SPIRE2: variants seen among roughly 807,000 people sequenced by gnomAD.
SPIRE2 encodes the protein spire type actin nucleation factor 2.
In SPIRE2, 76 loss-of-function variants were observed where a neutral mutation model predicts 80.7. That is an observed-to-expected ratio of 0.94 (90% CI 0.78 to 1.14). The LOEUF (loss-of-function observed/expected upper bound fraction) is 1.14, where lower values mean the gene tolerates loss of function less well. SPIRE2 is among the 50% of genes most tolerant of loss of function. The pLI is 0.00. For missense variants in SPIRE2, 1,196 were observed against 1,015.3 expected (o/e 1.18, Z -2.42); for synonymous variants, 535 against 432.6 (o/e 1.24, Z -2.94).
At chr16:89,844,480 C>G (rs1217652251) in intron 1 of SPIRE2, among the ~76,000 whole-genome samples, 2 of 151,690 alleles carry the variant, frequency 1.3e-5, no homozygotes, top group South Asian at 2.1e-4. Context: ...ACTCTGTTGC[C>G]CAGGCTGGAG....
rs1015655677 is a variant in SPIRE2, at chr16:89,829,616, G to A, written c.244+822G>A. 3.9e-5 allele frequency among the ~76,000 whole-genome samples: 6 copies of A among 152,210 alleles called. No individual in the cohort carries two copies. In the East Asian group the frequency reaches 1.2e-3, roughly 29 times the overall value. On this transcript the variant is annotated intron_variant, in intron 1 of 14. Coordinates refer to ENST00000378247, the MANE Select transcript of SPIRE2 (RefSeq NM_032451.2). ...GGAGGACCAGGAAGGGCCAGGGCAAGGCCAGACAGAAGCAAGCTACAGAGC... is the reference window on the plus strand; with the variant it reads ...GGAGGACCAGGAAGGGCCAGGGCAAAGCCAGACAGAAGCAAGCTACAGAGC...
rs1324644885 is a variant in SPIRE2 at position 89,870,572 on chromosome 16, A to G, written c.*300A>G. 8 of 296,986 alleles carry G rather than the reference A, an allele frequency of 2.7e-5. No individual in the cohort carries two copies. Among genetic ancestry groups the G allele is most frequent in the African/African-American group, 1.7e-4 (8 of 47,034 alleles). The allele number at this position is 296,986 out of a possible 1,614,324, so 18.4% of individuals were successfully genotyped here. On this transcript the variant is annotated 3_prime_UTR_variant, in exon 15 of 15. Transcript: ENST00000378247. ...AGCAGAAGGTTCTAGATCCTGGCAC[A>G]GACTGCATCCCATGTTCCCATGCTC... is the stretch of plus-strand genomic sequence containing the variant.
rs978020016 is a variant in SPIRE2 at position 89,828,928 on chromosome 16, G to C, written c.244+134G>C. The C allele has an allele frequency of 5.5e-5, 35 of 641,794 alleles. No homozygotes were observed. The highest frequency in any genetic ancestry group is 3.9e-4 in the African/African-American group (20 of 51,740). The allele number at this position is 641,794 out of a possible 1,614,324, so 39.8% of individuals were successfully genotyped here. A position where few individuals can be genotyped will look rare whatever the true frequency, so the allele number is the denominator to read the frequency against. On this transcript the variant is annotated intron_variant, in intron 1 of 14. Transcript: ENST00000378247. This position sits in a 1 kb window ranked among gnomAD's most constrained non-coding sequence, Gnocchi z 5.9. ...GAGATCCCCTTCTCTGCGGGACCCG[G>C]AGCTCCCTCCCTCCCACTCTCCGTC...
rs1212551818 is a variant in SPIRE2 at position 89,863,156 on chromosome 16, G to T, written c.1576-320G>T. ...AGGTTTGAGATGGATTCTGGCTGGTGTGGATCAGCCCATGGTGTGTTTGCA... is the reference window on the plus strand; with the variant it reads ...AGGTTTGAGATGGATTCTGGCTGGTTTGGATCAGCCCATGGTGTGTTTGCA... On this transcript the variant is annotated intron_variant, in intron 10 of 14. Coordinates refer to ENST00000378247, the MANE Select transcript of SPIRE2 (RefSeq NM_032451.2). This position sits in a 1 kb window ranked among gnomAD's most constrained non-coding sequence, Gnocchi z 4.3. The T allele has an allele frequency of 5.3e-6, 2 of 376,408 alleles. No homozygotes were observed. Among genetic ancestry groups the T allele is most frequent in the African/African-American group, 4.1e-5 (2 of 48,486 alleles). 23.3% of individuals were successfully genotyped at this position (376,408 alleles called of 1,614,324 possible). A position where few individuals can be genotyped will look rare whatever the true frequency, so the allele number is the denominator to read the frequency against.
At position 89,870,305 on chromosome 16, in the gene SPIRE2, C is replaced by A; in HGVS notation, c.*33C>A. ...AGGTGGCCAGGCCTCCAGGAGGCACCAGGCAGGCCCTGTATCAGGCTAGGA... is the reference window on the plus strand; with the variant it reads ...AGGTGGCCAGGCCTCCAGGAGGCACAAGGCAGGCCCTGTATCAGGCTAGGA... On this transcript the variant is annotated 3_prime_UTR_variant, in exon 15 of 15. Transcript: ENST00000378247. The A allele has an allele frequency of 6.9e-7, 1 of 1,447,600 alleles. No homozygotes were observed. Among genetic ancestry groups the A allele is most frequent in the Non-Finnish European group, 9.5e-7 (1 of 1,050,238 alleles). The allele number at this position is 1,447,600 out of a possible 1,614,324, so 89.7% of individuals were successfully genotyped here. A position where few individuals can be genotyped will look rare whatever the true frequency, so the allele number is the denominator to read the frequency against.
chr16:89,859,081 CT>C lies in SPIRE2; in HGVS notation c.1273-83del. 5.3e-6 allele frequency: 7 copies of C among 1,310,632 alleles called. No individual in the cohort carries two copies. In the South Asian group the frequency reaches 1.0e-4, roughly 19 times the overall value. The allele number at this position is 1,310,632 out of a possible 1,614,324, so 81.2% of individuals were successfully genotyped here. A position where few individuals can be genotyped will look rare whatever the true frequency, so the allele number is the denominator to read the frequency against. ...CATCGCAGCAGACCCTGCGGCACCC[CT>C]GGGTCCTCTGCTTCATTCCAGGCAT... is the stretch of plus-strand genomic sequence containing the variant. On this transcript the variant is annotated intron_variant, in intron 8 of 14. Transcript: ENST00000378247.
chr16:89,847,553 A>C (rs1323379217), intron 2 of SPIRE2, among the ~76,000 whole-genome samples: 1 of 152,202 alleles, frequency 6.6e-6, no homozygotes, highest in Non-Finnish European at 1.5e-5. Flanking sequence ...TGTTTGTCTC[A>C]GAGGCGCATA....
At chr16:89,832,373 C>G (rs867399932) in intron 1 of SPIRE2, among the ~76,000 whole-genome samples, 5 of 152,332 alleles carry the variant, frequency 3.3e-5, no homozygotes, top group African/African-American at 1.2e-4. Context: ...AACGTGTGCA[C>G]ATGAGTGTTT....
intron 10 of SPIRE2, chr16:89,862,752 C>T (rs1472982421): frequency 2.0e-5 from 3 of 152,408 alleles, no homozygotes; most frequent in African/African-American, 4.8e-5. Flanking sequence ...ACTGCAAATC[C>T]AAAGCAGAAA....
At chr16:89,850,707 A>C in intron 3 of SPIRE2, 47 bp downstream of exon 3, 1 of 488,686 alleles carries the variant, frequency 2.0e-6, no homozygotes, top group Non-Finnish European at 3.3e-6. Flanking sequence ...GAGGCCAGGG[A>C]GGGGAGCAGT....
chr16:89,859,081 C>G, intron 8 of SPIRE2, 84 bp from the exon 9 acceptor site: 4 of 1,310,632 alleles, frequency 3.1e-6, no homozygotes, highest in Non-Finnish European at 4.2e-6. Context: ...TGCGGCACCC[C>G]TGGGTCCTCT....
In SPIRE2 at chr16:89,828,806, G is replaced by T; in HGVS notation, c.244+12G>T. 1 of 1,178,310 alleles carries T rather than the reference G, an allele frequency of 8.5e-7. No individual in the cohort carries two copies. The highest frequency in any genetic ancestry group is 4.2e-5 in the South Asian group (1 of 23,910). The allele number at this position is 1,178,310 out of a possible 1,614,324, so 73.0% of individuals were successfully genotyped here. A position where few individuals can be genotyped will look rare whatever the true frequency, so the allele number is the denominator to read the frequency against. On this transcript the variant is annotated intron_variant, in intron 1 of 14. Coordinates refer to ENST00000378247, the MANE Select transcript of SPIRE2 (RefSeq NM_032451.2). This position sits in a 1 kb window ranked among gnomAD's most constrained non-coding sequence, Gnocchi z 5.9. ...GCCCGAGGCCGCGGGTGAGGCCGGG[G>T]GCGGGGCAGCCGGCGGGGACCGCGG...
intron 2 of SPIRE2, chr16:89,847,137 G>C (rs2041569610): frequency 6.6e-6 from 1 of 152,130 alleles, no homozygotes; most frequent in Non-Finnish European, 1.5e-5. Context: ...TAATAAAACC[G>C]AAGTCTATGT....
Position 89,828,561 on chromosome 16 carries a change from C to A in SPIRE2, c.11C>A (p.Ala4Glu), listed in dbSNP as rs534627240. 6.1e-4 allele frequency: 687 copies of A among 1,135,124 alleles called. 3 individuals are homozygous for A. The African/African-American group carries it at 0.011, about 18-fold the overall frequency. 70.3% of individuals were successfully genotyped at this position (1,135,124 alleles called of 1,614,324 possible). A position where few individuals can be genotyped will look rare whatever the true frequency, so the allele number is the denominator to read the frequency against. Residue 4 changes from alanine (A) to glutamate (E), a missense_variant, in exon 1 of 15, where the codon GCG (alanine) becomes GAG (glutamate). Physicochemically the swap from Ala to Glu is moderately radical, Grantham distance 107. Transcript: ENST00000378247. The surrounding 1 kb of genome is among the most constrained non-coding windows in gnomAD (Gnocchi z 5.9). ...GATGACGGCCCCGCCATGGCCCGGG[C>A]GGGCAGCTGCGGCGGCGCCGCGGCG... Reference protein sequence around the residue: MARAGSCGGAAAGA... With the variant: MAREGSCGGAAAGA...
chr16:89,845,178 G>A, intron 1 of SPIRE2, 144 bp from the exon 2 acceptor site: 1 of 747,934 alleles, frequency 1.3e-6, no homozygotes, highest in Non-Finnish European at 2.3e-6. Context: ...ATGACCAAGT[G>A]GCTGGGCCTG....
intron 6 of SPIRE2, 28 bp downstream of exon 6, chr16:89,855,714 G>A: frequency 6.2e-7 from 1 of 1,604,600 alleles, no homozygotes; most frequent in Non-Finnish European, 8.5e-7. Context: ...TCCTCCTCAG[G>A]GGCCGCCCGG....
intron 2 of SPIRE2, 78 bp from the exon 3 acceptor site, chr16:89,850,226 C>A (rs529788714): frequency 8.0e-7 from 1 of 1,248,178 alleles, no homozygotes; most frequent in Non-Finnish European, 1.1e-6. Context: ...GGTGCTGGGC[C>A]CTCTGCACCC....
At chr16:89,851,365 G>A (rs924045117) in intron 3 of SPIRE2, among the ~76,000 whole-genome samples, 63 of 152,148 alleles carry the variant, frequency 4.1e-4, no homozygotes, top group African/African-American at 3.6e-4. Context: ...GAGGCTCAGC[G>A]ACTTGCTTGG....
Position 89,854,328 on chromosome 16 carries a change from C to A in SPIRE2, c.688C>A (p.Pro230Thr). 1.9e-6 allele frequency: 3 copies of A among 1,612,642 alleles called. No individual in the cohort carries two copies. Among genetic ancestry groups the A allele is most frequent in the Non-Finnish European group, 2.5e-6 (3 of 1,179,892 alleles). Residue 230 changes from proline to threonine, a missense_variant, in exon 4 of 15, where the codon CCT (proline) becomes ACT (threonine). Transcript: ENST00000378247. Reference protein sequence around the residue: ...LREDEPHLETPRAELDSLGHT... With the variant: ...LREDEPHLETTRAELDSLGHT... ...GGAGGACGAGCCGCATCTGGAGACG[C>A]CTCGGGCAGAGCTGGACAGCCTGGG...
Sources: gnomAD v4.1 joint callset for allele counts (sites outside exome capture counted in the v4.1 genomes callset) on GRCh38, gnomAD v4.1.1 for gene constraint, Gnocchi (gnomAD v3.1) non-coding constraint, MANE v1.5 for transcripts, NCBI Gene and HGNC (gene_info 2026-07-23, HGNC 2026-07-21) for gene names.